The following ZNF385D variants were observed in gnomAD, a reference collection of about 807,000 sequenced individuals.
ZNF385D encodes zinc finger protein 659.
A neutral mutation model predicts 35.8 loss-of-function variants in ZNF385D; 15 were observed. That is an observed-to-expected ratio of 0.42 (90% confidence interval 0.28 to 0.64). The LOEUF (loss-of-function observed/expected upper bound fraction) is 0.64. Among genes scored for constraint, ZNF385D ranks in the 30% least tolerant of loss-of-function variants. The probability of loss-of-function intolerance (pLI) is 0.23; values close to 1 mark genes in which losing one functional copy is unlikely to be tolerated. For missense variants in ZNF385D, 474 were observed against 494.6 expected (o/e 0.96, Z 0.39); for synonymous variants, 212 against 186.8 (o/e 1.13, Z -1.10).
chr3:22,038,726 C>T (rs921790448), intron 3 of ZNF385D, among the ~76,000 whole-genome samples: 8 of 151,818 alleles, frequency 5.3e-5, no homozygotes, highest in African/African-American at 1.9e-4. Flanking sequence ...AATTTTAGAT[C>T]TTGATAATGG....
chr3:21,453,799 G>A (rs1350506952), intron 4 of ZNF385D, among the ~76,000 whole-genome samples: 1 of 151,940 alleles, frequency 6.6e-6, no homozygotes, highest in African/African-American at 2.4e-5. Context: ...GAAAAATTTA[G>A]TAGCTTCTCA....
At chr3:21,670,754 A>T (rs899455859) in intron 1 of ZNF385D, among the ~76,000 whole-genome samples, 1 of 143,274 alleles carries the variant, frequency 7.0e-6, no homozygotes, top group Non-Finnish European at 1.5e-5. Flanking sequence ...AAGGGATGGG[A>T]GATCAGACAC....
chr3:21,802,270 ATAAG>A (rs1467008000), intron 3 of ZNF385D, among the ~76,000 whole-genome samples: 1 of 152,208 alleles, frequency 6.6e-6, no homozygotes, highest in African/African-American at 2.4e-5. Flanking sequence ...AAAGTGGGGA[ATAAG>A]TAAAGCTTAC....
At chr3:21,789,324 G>C (rs2080353818) in intron 3 of ZNF385D, among the ~76,000 whole-genome samples, 1 of 152,268 alleles carries the variant, frequency 6.6e-6, no homozygotes, top group Middle Eastern at 3.4e-3. Flanking sequence ...TTATTAGTAA[G>C]AAAAATATAA....
intron 3 of ZNF385D, among the ~76,000 whole-genome samples, chr3:21,918,786 C>A (rs1700316484): frequency 6.6e-6 from 1 of 152,068 alleles, no homozygotes. Context: ...ACTTTATCTT[C>A]CTATTTTTAA....
At chr3:21,753,928 C>A (rs2070224540), upstream of ZNF385D, among the ~76,000 whole-genome samples, 1 of 152,078 alleles carries the variant, frequency 6.6e-6, no homozygotes, top group South Asian at 2.1e-4. Flanking sequence ...TAAGTGAAAT[C>A]ATTGGGTATT....
intron 3 of ZNF385D, among the ~76,000 whole-genome samples, chr3:21,906,138 T>C (rs1361239267): frequency 6.6e-6 from 1 of 152,198 alleles, no homozygotes; most frequent in Admixed American, 6.5e-5. Context: ...GCTATCAGTG[T>C]TTCCCCATGG....
At chr3:22,204,934 G>C (rs1330701364) in intron 2 of ZNF385D, among the ~76,000 whole-genome samples, 1 of 145,564 alleles carries the variant, frequency 6.9e-6, no homozygotes, top group African/African-American at 2.5e-5. Flanking sequence ...AGAGCCTGGG[G>C]TAGAAAGTTT....
chr3:22,231,942 T>C (rs375643810), intron 2 of ZNF385D, among the ~76,000 whole-genome samples: 2 of 152,260 alleles, frequency 1.3e-5, no homozygotes, highest in South Asian at 2.1e-4. Context: ...CCTCCTGCTC[T>C]GGCCATGGAA....
At chr3:22,303,143 A>G (rs1702998469) in intron 2 of ZNF385D, among the ~76,000 whole-genome samples, 1 of 152,184 alleles carries the variant, frequency 6.6e-6, no homozygotes, top group African/African-American at 2.4e-5. Flanking sequence ...TTCAATGATA[A>G]TAATATCGTT....
chr3:21,717,208 C>A (rs563681811), intron 1 of ZNF385D, among the ~76,000 whole-genome samples: 6 of 152,272 alleles, frequency 3.9e-5, no homozygotes, highest in Admixed American at 2.0e-4. Flanking sequence ...TGAGTAGGCA[C>A]TGACTGAAAA....
chr3:21,973,843 T>G (rs1703426202), intron 3 of ZNF385D, among the ~76,000 whole-genome samples: 1 of 151,816 alleles, frequency 6.6e-6, no homozygotes. Flanking sequence ...CAATTAAAAT[T>G]AAATATCTGG....
chr3:21,502,604 T>C (rs78506212), intron 4 of ZNF385D, among the ~76,000 whole-genome samples: 9,037 of 152,270 alleles, frequency 0.059, 332 homozygotes, highest in South Asian at 0.08. Context: ...ATTTTGTTAC[T>C]TTTATGTCAT....
At chr3:22,253,980 AAGAAATGAT>A (rs2125332812) in intron 2 of ZNF385D, among the ~76,000 whole-genome samples, 1 of 152,108 alleles carries the variant, frequency 6.6e-6, no homozygotes, top group South Asian at 2.1e-4. Flanking sequence ...TTTTCCAAGA[AAGAAATGAT>A]AGAAATTTTG....
At chr3:22,141,297 C>G (rs550859619) in intron 3 of ZNF385D, among the ~76,000 whole-genome samples, 1 of 152,022 alleles carries the variant, frequency 6.6e-6, no homozygotes, top group Non-Finnish European at 1.5e-5. Flanking sequence ...GCTGGCAAGA[C>G]TAGTTTTCAA....
chr3:21,801,035 T>G (rs1294229225), intron 3 of ZNF385D, among the ~76,000 whole-genome samples: 1 of 152,152 alleles, frequency 6.6e-6, no homozygotes, highest in Non-Finnish European at 1.5e-5. Context: ...ATTCTTAATT[T>G]GAATTTTGTT....
intron 3 of ZNF385D, among the ~76,000 whole-genome samples, chr3:22,105,657 C>T (rs2125633657): frequency 6.6e-6 from 1 of 152,104 alleles, no homozygotes; most frequent in Non-Finnish European, 1.5e-5. Context: ...GACAGATGTC[C>T]TGGCCCAACC....
chr3:21,971,875 T>C (rs1215982647), intron 3 of ZNF385D, among the ~76,000 whole-genome samples: 2 of 152,034 alleles, frequency 1.3e-5, no homozygotes, highest in Admixed American at 6.6e-5. Flanking sequence ...AAGGTCACTA[T>C]ATGTAATGAT....
Position 21,747,206 on chromosome 3 carries a change from A to T in ZNF385D, c.22+3689T>A, listed in dbSNP as rs374215995. ...ACACCAAGGCGAACTTGAATGATTC[A>T]TTCACACTTTCTAAATTTTGCCTGC... On this transcript the variant is annotated intron_variant, in intron 1 of 7. Coordinates refer to ENST00000281523, the MANE Select transcript of ZNF385D (RefSeq NM_024697.3). 7.2e-5 allele frequency among the ~76,000 whole-genome samples: 11 copies of T among 152,210 alleles called. No individual in the cohort carries two copies. The East Asian group carries it at 1.7e-3, about 24-fold the overall frequency.
Sources: gnomAD v4.1 joint callset for allele counts (sites outside exome capture counted in the v4.1 genomes callset) on GRCh38, gnomAD v4.1.1 for gene constraint, MANE v1.5 for transcripts, NCBI Gene and HGNC (gene_info 2026-07-23, HGNC 2026-07-21) for gene names.